The following SPIDR variants were observed in gnomAD, a reference collection of about 807,000 sequenced individuals.
SPIDR encodes scaffold protein involved in DNA repair, also known as DNA repair-scaffolding protein.
Under a neutral mutation model 104.6 loss-of-function variants are expected in SPIDR, and 93 were observed. That is an observed-to-expected ratio of 0.89 (90% CI 0.75 to 1.06). The LOEUF (loss-of-function observed/expected upper bound fraction) is 1.06, where lower values mean the gene tolerates loss of function less well. Among genes scored for constraint, SPIDR ranks in the 50% least tolerant of loss-of-function variants. The probability of loss-of-function intolerance (pLI) is 0.00; values close to 1 mark genes in which losing one functional copy is unlikely to be tolerated. For missense variants in SPIDR, 1,154 were observed against 1,111.2 expected, an observed-to-expected ratio of 1.04 and a Z score of -0.55; for synonymous variants, 431 against 416.9, an observed-to-expected ratio of 1.03 and a Z score of -0.41.
chr8:47,345,545 A>G (rs2051774969), intron 5 of SPIDR, among the ~76,000 whole-genome samples: 1 of 152,108 alleles, frequency 6.6e-6, no homozygotes, highest in Non-Finnish European at 1.5e-5. Flanking sequence ...TCTATAAATT[A>G]CCTTGGGCAT....
intron 8 of SPIDR, among the ~76,000 whole-genome samples, chr8:47,476,981 A>G (rs1312133528): frequency 1.3e-5 from 2 of 152,328 alleles, no homozygotes; most frequent in Non-Finnish European, 2.9e-5. Flanking sequence ...AATGAGAACA[A>G]TTTCTGTTAA....
At chr8:47,425,261 A>G (rs781888560) in intron 7 of SPIDR, among the ~76,000 whole-genome samples, 22 of 152,108 alleles carry the variant, frequency 1.4e-4, no homozygotes, top group Admixed American at 2.6e-4. Context: ...GGTCACATTC[A>G]TTTACTCAGC....
Position 47,712,797 on chromosome 8 carries a change from G to T in SPIDR, c.2113G>T (p.Gly705Cys), listed in dbSNP as rs1372487454. The T allele has an allele frequency of 2.5e-6, 4 of 1,613,972 alleles. No homozygotes were observed. In the African/African-American group the frequency reaches 5.3e-5, roughly 22 times the overall value. ...CTATGTGGCCCCCTTGTGTGTGCTG[G>T]GCTCTGAAGTCCTGGAGGCACTCGC... ...LVYVAPLCVL[G>C]SEVLEALAGA... The change falls in exon 15 of 20, where the codon GGC (glycine) becomes TGC (cysteine). Residue 705 changes from glycine to cysteine, a missense_variant. By Grantham distance (159) the Gly-to-Cys change is radical (BLOSUM62 -3). Coordinates refer to ENST00000297423, the MANE Select transcript of SPIDR (RefSeq NM_001080394.4).
intron 10 of SPIDR, chr8:47,660,476 A>C: frequency 1.0e-6 from 1 of 985,454 alleles, no homozygotes; most frequent in Non-Finnish European, 1.2e-6. Context: ...AATGCACAGA[A>C]TCAAAGTCCT....
At chr8:47,656,963 C>T (rs556185685) in intron 10 of SPIDR, among the ~76,000 whole-genome samples, 1 of 152,196 alleles carries the variant, frequency 6.6e-6, no homozygotes, top group East Asian at 1.9e-4. Context: ...ACAGGCAAAT[C>T]CATAGAGGCA....
chr8:47,722,059 G>A (rs957506778), intron 16 of SPIDR, among the ~76,000 whole-genome samples: 1 of 152,134 alleles, frequency 6.6e-6, no homozygotes, highest in East Asian at 1.9e-4. Flanking sequence ...ATATCTTTCA[G>A]AAGAGTTTTT....
intron 8 of SPIDR, among the ~76,000 whole-genome samples, chr8:47,478,702 T>C (rs782574663): frequency 4.6e-5 from 7 of 152,186 alleles, no homozygotes; most frequent in Non-Finnish European, 5.9e-5. Flanking sequence ...CAGATACTCA[T>C]CTCTCCATCA....
intron 8 of SPIDR, among the ~76,000 whole-genome samples, chr8:47,533,661 A>G (rs2086402219): frequency 6.6e-6 from 1 of 152,156 alleles, no homozygotes; most frequent in Non-Finnish European, 1.5e-5. Context: ...ATATGGGGGA[A>G]AAAAAACCTC....
rs191493670 is a variant in SPIDR at position 47,345,884 on chromosome 8, A to T, written c.526-50492A>T. Among the ~76,000 whole-genome samples the T allele has an allele frequency of 7.2e-5, 11 of 152,320 alleles. No homozygotes were observed. In the East Asian group the frequency reaches 1.3e-3, roughly 19 times the overall value. Reference sequence around the variant, plus strand: ...TGGGGTTGAGACGATGGGGTTTTCTAAATATACAATGATGTCATCTGCAAA... The same window carrying T: ...TGGGGTTGAGACGATGGGGTTTTCTTAATATACAATGATGTCATCTGCAAA... On this transcript the variant is annotated intron_variant, in intron 5 of 19. Coordinates refer to ENST00000297423, the MANE Select transcript of SPIDR (RefSeq NM_001080394.4).
chr8:47,705,003 G>C (rs1252860318), intron 14 of SPIDR, among the ~76,000 whole-genome samples: 2 of 152,232 alleles, frequency 1.3e-5, no homozygotes, highest in African/African-American at 4.8e-5. Context: ...GCCAGGCGGT[G>C]GCTCTCTGTG....
At chr8:47,501,028 C>G (rs374546607) in intron 8 of SPIDR, among the ~76,000 whole-genome samples, 129 of 152,266 alleles carry the variant, frequency 8.5e-4, no homozygotes, top group African/African-American at 3.0e-3. Context: ...CAGTACCATG[C>G]TGTTTTGGTT....
chr8:47,389,688 CA>C (rs11295388), intron 5 of SPIDR, among the ~76,000 whole-genome samples: 90 of 62,022 alleles, frequency 1.5e-3, no homozygotes, highest in Middle Eastern at 0.018. Flanking sequence ...GACTCCATCT[CA>C]AAAAAAAAAA....
At chr8:47,444,803 C>G (rs1554700229) in intron 8 of SPIDR, among the ~76,000 whole-genome samples, 1 of 152,130 alleles carries the variant, frequency 6.6e-6, no homozygotes, top group Non-Finnish European at 1.5e-5. Flanking sequence ...CTCATCACAC[C>G]ACACTCAACA....
At chr8:47,448,404 G>A (rs2071084340) in intron 8 of SPIDR, among the ~76,000 whole-genome samples, 1 of 152,136 alleles carries the variant, frequency 6.6e-6, no homozygotes, top group African/African-American at 2.4e-5. Context: ...TTTACTGAAT[G>A]TTTACTTACT....
At chr8:47,540,414 G>A (rs1330049551) in intron 8 of SPIDR, among the ~76,000 whole-genome samples, 2 of 151,982 alleles carry the variant, frequency 1.3e-5, no homozygotes, top group African/African-American at 2.4e-5. Context: ...ACTACAGGAT[G>A]ATATTTTTTG....
intron 6 of SPIDR, among the ~76,000 whole-genome samples, chr8:47,405,399 G>A (rs1054995635): frequency 6.6e-5 from 10 of 151,538 alleles, no homozygotes; most frequent in Non-Finnish European, 1.3e-4. Flanking sequence ...AGAACTTAAA[G>A]TATAATAAAA....
intron 8 of SPIDR, among the ~76,000 whole-genome samples, chr8:47,536,400 C>T (rs898150778): frequency 5.9e-5 from 9 of 152,046 alleles, no homozygotes; most frequent in African/African-American, 1.9e-4. Flanking sequence ...GGTAAGTAAT[C>T]AAGGCAGTGA....
intron 5 of SPIDR, among the ~76,000 whole-genome samples, chr8:47,369,064 T>C (rs1380812865): frequency 1.3e-5 from 2 of 152,186 alleles, no homozygotes; most frequent in Non-Finnish European, 2.9e-5. Flanking sequence ...ACATAGAAAC[T>C]AGAAGCTTAT....
At chr8:47,693,203 T>C (rs1364086307) in intron 11 of SPIDR, among the ~76,000 whole-genome samples, 1 of 152,234 alleles carries the variant, frequency 6.6e-6, no homozygotes, top group East Asian at 1.9e-4. Context: ...TTTGTGTGTA[T>C]AAGGGTGACA....
Sources: gnomAD v4.1 joint callset for allele counts (sites outside exome capture counted in the v4.1 genomes callset) on GRCh38, gnomAD v4.1.1 for gene constraint, MANE v1.5 for transcripts, NCBI Gene and HGNC (gene_info 2026-07-23, HGNC 2026-07-21) for gene names.